GYS2: variants seen among roughly 807,000 people sequenced by gnomAD.
The protein encoded by GYS2 is glycogen synthase 2.
In GYS2, 80 loss-of-function variants were observed where a neutral mutation model predicts 85.6. That is an observed-to-expected ratio of 0.93 (90% CI 0.78 to 1.13). The LOEUF (loss-of-function observed/expected upper bound fraction) is 1.13. Among genes scored for constraint, GYS2 ranks in the 50% most tolerant of loss-of-function variants. GYS2 has a pLI of 0.00. For synonymous variants in GYS2, 328 were observed against 300.7 expected (o/e 1.09, Z -0.94); for missense variants, 881 against 854.9 (o/e 1.03, Z -0.38).
At position 21,536,859 on chromosome 12, in the gene GYS2, T is replaced by C. The variant is rs1943915694; in HGVS notation, c.*95A>G. On this transcript the variant is annotated 3_prime_UTR_variant, in exon 16 of 16. Transcript: ENST00000261195. Reference sequence around the variant, plus strand: ...AGAGAATAAACTCCATTGTAATACTTAGAAGGAGAAAATGAAATTTGTGGC... The same window carrying C: ...AGAGAATAAACTCCATTGTAATACTCAGAAGGAGAAAATGAAATTTGTGGC... 3 of 845,916 alleles carry C rather than the reference T, an allele frequency of 3.5e-6. No homozygotes were observed. Among genetic ancestry groups the C allele is most frequent in the South Asian group, 1.4e-5 (1 of 70,642 alleles). The allele number at this position is 845,916 out of a possible 1,614,324, so 52.4% of individuals were successfully genotyped here. A position where few individuals can be genotyped will look rare whatever the true frequency, so the allele number is the denominator to read the frequency against.
At chr12:21,548,719 T>C (rs1979387) in intron 11 of GYS2, among the ~76,000 whole-genome samples, 108,531 of 151,884 alleles carry the variant, frequency 0.71, 39,679 homozygotes, top group South Asian at 0.8. Context: ...CCTAAAACTG[T>C]TCTAAAAATA....
chr12:21,560,964 T>G (rs1944245796), intron 7 of GYS2, among the ~76,000 whole-genome samples: 1 of 152,220 alleles, frequency 6.6e-6, no homozygotes, highest in East Asian at 1.9e-4. Context: ...TCAATTTTTT[T>G]GCTTATTCAT....
chr12:21,553,676 T>C (rs1944139791), intron 11 of GYS2, among the ~76,000 whole-genome samples: 1 of 152,018 alleles, frequency 6.6e-6, no homozygotes, highest in Non-Finnish European at 1.5e-5. Context: ...AAGTGGGAGG[T>C]ACATATAAAG....
In GYS2 at chr12:21,595,632, C is replaced by G. The variant is rs183750502; in HGVS notation, c.121+8840G>C. Among the ~76,000 whole-genome samples, 18 of 2,594 alleles carry G rather than the reference C, an allele frequency of 6.9e-3. No individual in the cohort carries two copies. The East Asian group carries it at 0.18, about 26-fold the overall frequency. 1.7% of individuals were successfully genotyped at this position (2,594 alleles called of 152,430 possible). ...AAAAGGGTGAAAAAGGTATTTCATG[C>G]AAATGGCCACCAAAAGTGAGTAGGC... On this transcript the variant is annotated intron_variant, in intron 1 of 15. Coordinates refer to ENST00000261195, the MANE Select transcript of GYS2 (RefSeq NM_021957.4).
At chr12:21,561,265 A>G (rs555737261) in intron 7 of GYS2, among the ~76,000 whole-genome samples, 2 of 152,244 alleles carry the variant, frequency 1.3e-5, no homozygotes, top group African/African-American at 2.4e-5. Flanking sequence ...CTGGCTTAGC[A>G]TCTCTCAAAA....
At chr12:21,596,044 C>T (rs542348840) in intron 1 of GYS2, among the ~76,000 whole-genome samples, 58 of 152,106 alleles carry the variant, frequency 3.8e-4, no homozygotes, top group African/African-American at 1.4e-3. Context: ...ATATGATAGG[C>T]CATGAAATGA....
At chr12:21,534,069 G>A (rs377371731), downstream of GYS2, among the ~76,000 whole-genome samples, 81 of 152,252 alleles carry the variant, frequency 5.3e-4, no homozygotes, top group South Asian at 0.017. Context: ...CCATCACATT[G>A]GGGATTAGGA....
intron 11 of GYS2, among the ~76,000 whole-genome samples, 157 bp from the exon 12 acceptor site, chr12:21,546,627 C>T (rs921101420): frequency 1.2e-4 from 19 of 152,062 alleles, no homozygotes; most frequent in African/African-American, 4.6e-4. Context: ...AAGAAAAAAG[C>T]CGTGGTGGTT....
rs772703582 is a variant in GYS2, at chr12:21,563,056, C to A, written c.942-18G>T. 30 of 1,561,268 alleles carry A rather than the reference C, an allele frequency of 1.9e-5. No homozygotes were observed. The highest frequency in any genetic ancestry group is 1.7e-4 in the Middle Eastern group (1 of 5,974). ...CGAGATGACTAAAACAAAACAAAACCAAACAGTTTCAAATGAAATACAGCA... is the reference window on the plus strand; with the variant it reads ...CGAGATGACTAAAACAAAACAAAACAAAACAGTTTCAAATGAAATACAGCA... On this transcript the variant is annotated intron_variant, in intron 6 of 15. Transcript: ENST00000261195.
At chr12:21,548,673 C>T (rs553997416) in intron 11 of GYS2, among the ~76,000 whole-genome samples, 11 of 151,994 alleles carry the variant, frequency 7.2e-5, no homozygotes, top group Admixed American at 2.0e-4. Flanking sequence ...ACAAGAGCAT[C>T]GATATTCTGT....
chr12:21,559,031 A>T (rs533457905), intron 10 of GYS2, 60 bp downstream of exon 10: 1 of 984,294 alleles, frequency 1.0e-6, no homozygotes, highest in Non-Finnish European at 1.6e-6. Context: ...ATAAATTAAA[A>T]TACTGATTAG....
At chr12:21,590,406 A>AGCCTGATGATGGGCCT (rs896420241) in intron 1 of GYS2, among the ~76,000 whole-genome samples, 1 of 152,178 alleles carries the variant, frequency 6.6e-6, no homozygotes, top group Admixed American at 6.5e-5. Flanking sequence ...CCCTCCCAGA[A>AGCCTGATGATGGGCCT]GCCTGATGAT....
chr12:21,583,342 C>T (rs1469586257), intron 1 of GYS2, among the ~76,000 whole-genome samples: 2 of 152,174 alleles, frequency 1.3e-5, no homozygotes, highest in African/African-American at 4.8e-5. Flanking sequence ...ACTCTTACAA[C>T]CAAGAAATAG....
At position 21,574,247 on chromosome 12, in the gene GYS2, C is replaced by T. The variant is rs1423122370; in HGVS notation, c.575G>A (p.Arg192Gln). 28 of 1,613,350 alleles carry T rather than the reference C, an allele frequency of 1.7e-5. 1 individual carries two copies. Among genetic ancestry groups the T allele is most frequent in the East Asian group, 2.2e-5 (1 of 44,878 alleles). The change falls in exon 4 of 16, where the codon CGA (arginine) becomes CAA (glutamine). Residue 192 changes from arginine (R) to glutamine (Q), a missense_variant. Arg to Gln is a conservative substitution (Grantham distance 43). Coordinates refer to ENST00000261195, the MANE Select transcript of GYS2 (RefSeq NM_021957.4). ...WQAGIGLILS[R>Q]ARKLPIATIF... ...TGTGGCAATAGGAAGTTTCCTGGCTCGAGAAAGGATCAGTCCAATTCCAGC... is the reference window on the plus strand; with the variant it reads ...TGTGGCAATAGGAAGTTTCCTGGCTTGAGAAAGGATCAGTCCAATTCCAGC...
chr12:21,580,311 G>A, intron 2 of GYS2, 31 bp downstream of exon 2: 7 of 1,583,104 alleles, frequency 4.4e-6, no homozygotes, highest in South Asian at 1.1e-5. Context: ...AGTTTACTGA[G>A]AATTGCCAAG....
At chr12:21,554,388 G>T (rs554213258) in intron 11 of GYS2, among the ~76,000 whole-genome samples, 2 of 152,208 alleles carry the variant, frequency 1.3e-5, no homozygotes, top group South Asian at 4.1e-4. Context: ...GCATCTCCCT[G>T]CCTGTACTTG....
At chr12:21,568,705 T>C (rs1294568713) in intron 5 of GYS2, among the ~76,000 whole-genome samples, 160 bp downstream of exon 5, 1 of 152,190 alleles carries the variant, frequency 6.6e-6, no homozygotes, top group Admixed American at 6.5e-5. Flanking sequence ...TTGGCTTCCC[T>C]GCAAACCTAC....
At chr12:21,595,217 A>G (rs1226819244) in intron 1 of GYS2, among the ~76,000 whole-genome samples, 1 of 152,158 alleles carries the variant, frequency 6.6e-6, no homozygotes, top group African/African-American at 2.4e-5. Context: ...GGAGGCTCGC[A>G]TTGTGAATTT....
At chr12:21,567,860 G>C (rs1944340002) in intron 5 of GYS2, among the ~76,000 whole-genome samples, 1 of 152,052 alleles carries the variant, frequency 6.6e-6, no homozygotes. Flanking sequence ...GGATCACGAG[G>C]TCAGGAGTTC....
Sources: allele counts gnomAD v4.1 joint callset (sites outside exome capture counted in the v4.1 genomes callset), GRCh38; gene constraint gnomAD v4.1.1; transcripts MANE v1.5; gene names NCBI Gene and HGNC (gene_info 2026-07-23, HGNC 2026-07-21).